Variants in SDK1 observed in about 807,000 individuals in gnomAD.
SDK1 encodes the protein protein sidekick-1.
A neutral mutation model predicts 245.5 loss-of-function variants in SDK1; 157 were observed. The observed-to-expected ratio is 0.64, with a 90% CI of 0.56 to 0.73. The LOEUF (loss-of-function observed/expected upper bound fraction) is 0.73, where lower values mean the gene tolerates loss of function less well. SDK1 is among the 30% of genes least tolerant of loss of function. The pLI is 0.00. For missense variants in SDK1, 3,583 were observed against 3,002.3 expected (o/e 1.19, Z -4.52); for synonymous variants, 1,647 against 1,278.5 (o/e 1.29, Z -6.15).
chr7:4,083,469 G>A (rs1163705616), intron 22 of SDK1, among the ~76,000 whole-genome samples: 1 of 150,262 alleles, frequency 6.7e-6, no homozygotes, highest in Non-Finnish European at 1.5e-5. Context: ...CCTCTACCCC[G>A]TTTGCCCTGT....
chr7:3,605,713 G>T lies in SDK1; in HGVS notation c.299-13367G>T, dbSNP rs1416604627. Among the ~76,000 whole-genome samples, 5 of 152,048 alleles carry T rather than the reference G, an allele frequency of 3.3e-5. No homozygotes were observed. In the East Asian group the frequency reaches 5.8e-4, roughly 18 times the overall value. On this transcript the variant is annotated intron_variant, in intron 1 of 44. Transcript: ENST00000404826. ...CTGGGTATACTTGGTAAGAAAATGA[G>T]AATTAAAATGTTTCAGAGTAAAATT... is the stretch of plus-strand genomic sequence containing the variant.
At chr7:3,383,526 T>C (rs527983714) in intron 1 of SDK1, among the ~76,000 whole-genome samples, 1 of 152,206 alleles carries the variant, frequency 6.6e-6, no homozygotes, top group African/African-American at 2.4e-5. Context: ...TAATCAGATT[T>C]TGTGCTTATT....
At chr7:4,247,053 T>C (rs984253875) in intron 44 of SDK1, among the ~76,000 whole-genome samples, 1 of 152,218 alleles carries the variant, frequency 6.6e-6, no homozygotes, top group African/African-American at 2.4e-5. Context: ...TTTTTTCTTT[T>C]GGATATGCCA....
intron 14 of SDK1, among the ~76,000 whole-genome samples, chr7:3,990,222 ACACCTTCCAGTC>A (rs1480568081): frequency 6.6e-6 from 1 of 152,208 alleles, no homozygotes; most frequent in African/African-American, 2.4e-5. Context: ...TTCTAAGGTT[ACACCTTCCAGTC>A]CTGGGCACCA....
At chr7:3,686,964 G>A (rs1335048284) in intron 4 of SDK1, among the ~76,000 whole-genome samples, 1 of 151,800 alleles carries the variant, frequency 6.6e-6, no homozygotes, top group Non-Finnish European at 1.5e-5. Flanking sequence ...GGAAGTGGTT[G>A]GGATGGGAAC....
chr7:3,590,729 T>TAG (rs1186572323), intron 1 of SDK1, among the ~76,000 whole-genome samples: 2 of 151,882 alleles, frequency 1.3e-5, no homozygotes, highest in East Asian at 3.9e-4. Flanking sequence ...AGAGCCTCAC[T>TAG]GCTGGACCTT....
intron 25 of SDK1, among the ~76,000 whole-genome samples, chr7:4,121,807 T>C (rs181478598): frequency 6.0e-4 from 92 of 152,346 alleles, no homozygotes; most frequent in Non-Finnish European, 4.7e-4. Flanking sequence ...TTACATTCTT[T>C]CTTATTTTGA....
In SDK1 at chr7:3,567,816, T is replaced by C. The variant is rs553963566; in HGVS notation, c.299-51264T>C. On this transcript the variant is annotated intron_variant, in intron 1 of 44. Transcript: ENST00000404826. ...TTCTATTTTATTTATCTTTTATTCA[T>C]TTATTTTTCTTCTAAGGCAGGGTCT... Among the ~76,000 whole-genome samples the C allele has an allele frequency of 5.9e-5, 9 of 152,312 alleles. No homozygotes were observed. The East Asian group carries it at 1.7e-3, about 29-fold the overall frequency.
At chr7:3,764,725 CA>C (rs1451638051) in intron 4 of SDK1, among the ~76,000 whole-genome samples, 1 of 151,534 alleles carries the variant, frequency 6.6e-6, no homozygotes, top group Non-Finnish European at 1.5e-5. Context: ...CCTAAACATA[CA>C]ATTTAAAAAA....
chr7:3,430,235 G>A (rs975620299), intron 1 of SDK1, among the ~76,000 whole-genome samples: 1 of 152,166 alleles, frequency 6.6e-6, no homozygotes, highest in Non-Finnish European at 1.5e-5. Context: ...GTAATAAAAG[G>A]ACTTGATGCA....
intron 5 of SDK1, among the ~76,000 whole-genome samples, chr7:3,880,348 G>A (rs976727199): frequency 1.3e-5 from 2 of 152,164 alleles, no homozygotes; most frequent in Non-Finnish European, 2.9e-5. Context: ...AGGTCAACAG[G>A]TGAGAAGGGC....
At chr7:4,151,700 A>G (rs1780393240) in intron 30 of SDK1, among the ~76,000 whole-genome samples, 1 of 152,114 alleles carries the variant, frequency 6.6e-6, no homozygotes, top group African/African-American at 2.4e-5. Context: ...TTTCAACACC[A>G]CTTCCATGTG....
At chr7:3,802,583 TC>T (rs1299542000) in intron 4 of SDK1, among the ~76,000 whole-genome samples, 1 of 151,758 alleles carries the variant, frequency 6.6e-6, no homozygotes, top group Non-Finnish European at 1.5e-5. Context: ...CAGACATCCA[TC>T]CCCCTTGTGC....
intron 25 of SDK1, among the ~76,000 whole-genome samples, chr7:4,115,510 ACT>A (rs1227877997): frequency 4.6e-5 from 7 of 151,810 alleles, no homozygotes; most frequent in African/African-American, 9.7e-5. Flanking sequence ...CTCTTCTCTG[ACT>A]CTCTGCGTTA....
rs760657070 is a variant in SDK1 at position 4,114,019 on chromosome 7, CT to C, written c.3586-17del. 4 of 1,608,646 alleles carry C rather than the reference CT, an allele frequency of 2.5e-6. No individual in the cohort carries two copies. The East Asian group carries it at 8.9e-5, about 36-fold the overall frequency. The stretch of plus-strand genomic sequence containing the variant: ...GTTCTGAGATGTCAGCTCATCGCGA[CT>C]CCTCGTTCCTTCCTAGCCCCTGCCG... On this transcript the variant is annotated splice_polypyrimidine_tract_variant and intron_variant, in intron 24 of 44. Transcript: ENST00000404826.
intron 1 of SDK1, among the ~76,000 whole-genome samples, chr7:3,496,258 G>C (rs903179372): frequency 6.6e-6 from 1 of 152,106 alleles, no homozygotes; most frequent in Non-Finnish European, 1.5e-5. Flanking sequence ...AGGCTCCCAG[G>C]ATAGTGTCTG....
intron 22 of SDK1, among the ~76,000 whole-genome samples, chr7:4,090,935 G>A (rs573139243): frequency 6.6e-6 from 1 of 152,214 alleles, no homozygotes; most frequent in East Asian, 1.9e-4. Flanking sequence ...CTGGCTCCCA[G>A]TATGCTCAGT....
In SDK1 at chr7:4,198,565, G is replaced by A. The variant is rs556534792; in HGVS notation, c.5099-7314G>A. 6.6e-5 allele frequency among the ~76,000 whole-genome samples: 10 copies of A among 152,276 alleles called. No homozygotes were observed. The East Asian group carries it at 1.5e-3, about 24-fold the overall frequency. On this transcript the variant is annotated intron_variant, in intron 35 of 44. Transcript: ENST00000404826. ...GTTTTATTGGAACACCGCCACACCCGTGCATGTTGTTGGAGGCTGCTTTTG... is the reference window on the plus strand; with the variant it reads ...GTTTTATTGGAACACCGCCACACCCATGCATGTTGTTGGAGGCTGCTTTTG...
intron 5 of SDK1, among the ~76,000 whole-genome samples, chr7:3,941,710 C>G (rs1014700279): frequency 6.6e-6 from 1 of 152,190 alleles, no homozygotes; most frequent in Non-Finnish European, 1.5e-5. Flanking sequence ...TGTGCTTGCT[C>G]TGTTCATGTG....
Sources: allele counts gnomAD v4.1 joint callset (sites outside exome capture counted in the v4.1 genomes callset), GRCh38; gene constraint gnomAD v4.1.1; transcripts MANE v1.5; gene names NCBI Gene and HGNC (gene_info 2026-07-23, HGNC 2026-07-21).